Variants in UBXN7 observed in about 807,000 individuals in gnomAD.
The protein encoded by UBXN7 is UBX domain protein 7, also known as UBX domain-containing protein 7.
UBXN7 carries 9 observed loss-of-function variants against 58.0 expected under a neutral mutation model. The ratio of observed to expected loss-of-function variants is 0.16; its 90% CI spans 0.09 to 0.27. The LOEUF is 0.27. Ranked by LOEUF, UBXN7 falls within the 10% of genes least tolerant of loss-of-function variation. UBXN7 has a pLI of 1.00. For synonymous variants in UBXN7, 208 were observed against 205.0 expected (o/e 1.01, Z -0.12); for missense variants, 328 against 599.6 (o/e 0.55, Z 4.73).
chr3:196,357,666 T>C (rs1440986889), intron 10 of UBXN7, among the ~76,000 whole-genome samples: 1 of 152,024 alleles, frequency 6.6e-6, no homozygotes, highest in Non-Finnish European at 1.5e-5. Flanking sequence ...GAGACCAGTC[T>C]GGCCAACATG....
chr3:196,425,702 G>T (rs1157909282), intron 1 of UBXN7, among the ~76,000 whole-genome samples: 1 of 152,022 alleles, frequency 6.6e-6, no homozygotes. Context: ...TACTCATTTG[G>T]AATTATCAAT....
intron 5 of UBXN7, among the ~76,000 whole-genome samples, chr3:196,387,113 G>C (rs560137587): frequency 3.7e-4 from 57 of 152,228 alleles, no homozygotes; most frequent in Non-Finnish European, 6.0e-4. Context: ...GAACAGAACA[G>C]AGGCCTCAGA....
At chr3:196,384,290 A>T (rs1482980749) in intron 5 of UBXN7, among the ~76,000 whole-genome samples, 1 of 152,222 alleles carries the variant, frequency 6.6e-6, no homozygotes, top group Non-Finnish European at 1.5e-5. Flanking sequence ...ACAGGCTCTG[A>T]AATTGAGGCA....
intron 1 of UBXN7, among the ~76,000 whole-genome samples, chr3:196,410,842 A>C (rs1730302718): frequency 1.3e-5 from 2 of 151,852 alleles, no homozygotes; most frequent in Non-Finnish European, 2.9e-5. Flanking sequence ...AAAATCCCTT[A>C]ATGGCTTTCT....
intron 3 of UBXN7, chr3:196,397,524 C>T (rs1729814192): frequency 1.3e-5 from 2 of 152,424 alleles, no homozygotes; most frequent in Non-Finnish European, 2.9e-5. Flanking sequence ...GGGGGTCTCA[C>T]TATGTTGCCC....
chr3:196,390,285 G>C (rs1729542388), intron 5 of UBXN7, among the ~76,000 whole-genome samples: 2 of 152,120 alleles, frequency 1.3e-5, no homozygotes, highest in South Asian at 4.1e-4. Flanking sequence ...GAGTGCAGTG[G>C]TTTTCATAGG....
chr3:196,357,656 G>A (rs903031289), intron 10 of UBXN7, among the ~76,000 whole-genome samples: 2 of 151,952 alleles, frequency 1.3e-5, no homozygotes, highest in East Asian at 1.9e-4. Flanking sequence ...TCAGAAGTTC[G>A]AGACCAGTCT....
rs952876784 is a variant in UBXN7 at position 196,348,842 on chromosome 3, ATGCACAGAGCC to A, written c.*7832_*7842del. Reference sequence around the variant, plus strand: ...TGTTCAAGCCGAACTCATACAAAGCATGCACAGAGCCTGCACAGACACTGCTGAGAGTTTCC... The same window carrying A: ...TGTTCAAGCCGAACTCATACAAAGCATGCACAGACACTGCTGAGAGTTTCC... On this transcript the variant is annotated 3_prime_UTR_variant, in exon 11 of 11. Coordinates refer to ENST00000296328, the MANE Select transcript of UBXN7 (RefSeq NM_015562.2). 6.6e-6 allele frequency: 1 copy of A among 152,230 alleles called. No individual in the cohort carries two copies. Among genetic ancestry groups the A allele is most frequent in the African/African-American group, 2.4e-5 (1 of 41,458 alleles). The allele number at this position is 152,230 out of a possible 1,614,324, so 9.4% of individuals were successfully genotyped here. A position where few individuals can be genotyped will look rare whatever the true frequency, so the allele number is the denominator to read the frequency against.
intron 8 of UBXN7, among the ~76,000 whole-genome samples, chr3:196,364,761 A>G (rs759914790): frequency 3.3e-5 from 5 of 151,784 alleles, no homozygotes; most frequent in Non-Finnish European, 5.9e-5. Flanking sequence ...CAGTGGCACA[A>G]TCTCAGCTCA....
chr3:196,426,276 C>T (rs1730845720), intron 1 of UBXN7, among the ~76,000 whole-genome samples: 2 of 151,346 alleles, frequency 1.3e-5, no homozygotes, highest in Middle Eastern at 3.4e-3. Context: ...GTCCCAGCTG[C>T]TCAGGAGGCT....
chr3:196,386,605 A>G (rs1025633630), intron 5 of UBXN7, among the ~76,000 whole-genome samples: 4 of 152,170 alleles, frequency 2.6e-5, no homozygotes, highest in African/African-American at 9.7e-5. Flanking sequence ...GTGAACTCCC[A>G]TTCACAATTG....
chr3:196,369,257 A>G (rs1728753315), intron 7 of UBXN7, among the ~76,000 whole-genome samples, 164 bp downstream of exon 7: 1 of 152,242 alleles, frequency 6.6e-6, no homozygotes, highest in Non-Finnish European at 1.5e-5. Context: ...TCCTAAATAC[A>G]TACATCAATA....
intron 1 of UBXN7, chr3:196,431,820 C>G: frequency 4.9e-6 from 2 of 407,502 alleles, no homozygotes; most frequent in Non-Finnish European, 1.0e-5. Flanking sequence ...CCGAACCCGC[C>G]AGGGCCACGG....
intron 5 of UBXN7, among the ~76,000 whole-genome samples, chr3:196,385,584 T>C (rs1396586159): frequency 1.3e-5 from 2 of 150,828 alleles, no homozygotes; most frequent in African/African-American, 2.5e-5. Context: ...AGTGACCCCG[T>C]CTGGGAACTG....
intron 3 of UBXN7, 21 bp from the exon 4 acceptor site, chr3:196,393,640 A>T: frequency 1.9e-6 from 3 of 1,591,542 alleles, no homozygotes; most frequent in Middle Eastern, 1.7e-4. Flanking sequence ...AAAAAATAGA[A>T]TTGAAAATTT....
chr3:196,363,906 A>C (rs1425850162), intron 8 of UBXN7, among the ~76,000 whole-genome samples: 1 of 151,392 alleles, frequency 6.6e-6, no homozygotes, highest in Non-Finnish European at 1.5e-5. Flanking sequence ...CTGGTGACAG[A>C]GCGAGACTCC....
chr3:196,401,546 G>A (rs1439162843), intron 3 of UBXN7, among the ~76,000 whole-genome samples: 1 of 150,014 alleles, frequency 6.7e-6, no homozygotes, highest in African/African-American at 2.4e-5. Flanking sequence ...AATACCGGAC[G>A]TTCTCATAAG....
chr3:196,423,539 GA>G (rs1730753093), intron 1 of UBXN7: 1 of 172,154 alleles, frequency 5.8e-6, no homozygotes, highest in Non-Finnish European at 1.2e-5. Context: ...GTATCCTTGG[GA>G]AACTGTGGAG....
chr3:196,382,429 A>C, intron 5 of UBXN7, among the ~76,000 whole-genome samples: 1 of 152,212 alleles, frequency 6.6e-6, no homozygotes, highest in Non-Finnish European at 1.5e-5. Flanking sequence ...TTTACAGACA[A>C]GAAAATGCTG....
Sources: gnomAD v4.1 joint callset for allele counts (sites outside exome capture counted in the v4.1 genomes callset) on GRCh38, gnomAD v4.1.1 for gene constraint, MANE v1.5 for transcripts, NCBI Gene and HGNC (gene_info 2026-07-23, HGNC 2026-07-21) for gene names.